ZMIZ1: variants seen among roughly 807,000 people sequenced by gnomAD.
ZMIZ1 encodes the protein zinc finger MIZ domain-containing protein 1.
ZMIZ1 carries 17 observed loss-of-function variants against 113.9 expected under a neutral mutation model. The ratio of observed to expected loss-of-function variants is 0.15; its 90% CI spans 0.10 to 0.22. The LOEUF is 0.22. ZMIZ1 is among the 10% of genes least tolerant of loss of function. ZMIZ1 has a pLI of 1.00. For missense variants in ZMIZ1, 1,059 were observed against 1,477.8 expected, an observed-to-expected ratio of 0.72 and a Z score of 4.65; for synonymous variants, 607 against 603.1, an observed-to-expected ratio of 1.01 and a Z score of -0.09.
intron 4 of ZMIZ1, among the ~76,000 whole-genome samples, chr10:79,163,243 G>A (rs1201510070): frequency 1.3e-5 from 2 of 152,174 alleles, no homozygotes; most frequent in Admixed American, 6.5e-5. Context: ...GCTTCCAGGG[G>A]CCTAGGGGCA....
chr10:79,296,499 C>T lies in ZMIZ1; in HGVS notation c.1259C>T (p.Pro420Leu). Residue 420 changes from proline to leucine, a missense_variant, in exon 13 of 25, where the codon CCA becomes CTA. This residue lies in a region of ZMIZ1 where 239 missense variants were observed against 247.5 expected (regional missense o/e 0.97). Transcript: ENST00000334512. This position sits in a 1 kb window ranked among gnomAD's most constrained non-coding sequence, Gnocchi z 4.1. ...EPNYGNQQYG[P>L]NSQFPTQPGQ... ...AACTATGGAAACCAGCAATATGGACCAAACAGCCAGTTCCCCACCCAGCCA... is the reference window on the plus strand; with the variant it reads ...AACTATGGAAACCAGCAATATGGACTAAACAGCCAGTTCCCCACCCAGCCA... The T allele has an allele frequency of 5.6e-6, 9 of 1,614,054 alleles. No homozygotes were observed. Among genetic ancestry groups the T allele is most frequent in the Non-Finnish European group, 7.6e-6 (9 of 1,179,986 alleles).
In ZMIZ1 at chr10:79,315,992, C is replaced by G. The variant is rs1855512655; in HGVS notation, c.*3243C>G. On this transcript the variant is annotated 3_prime_UTR_variant, in exon 25 of 25. Transcript: ENST00000334512. ...CCCTGAGTGGAAAGGGGTTTTTGTT[C>G]TGTTTTTATTTTACCTACATGTACT... is the stretch of plus-strand genomic sequence containing the variant. 1 of 152,734 alleles carries G rather than the reference C, an allele frequency of 6.5e-6. No homozygotes were observed. The allele number at this position is 152,734 out of a possible 1,614,324, so 9.5% of individuals were successfully genotyped here. A position where few individuals can be genotyped will look rare whatever the true frequency, so the allele number is the denominator to read the frequency against.
chr10:79,135,404 T>G (rs919122252), intron 2 of ZMIZ1, among the ~76,000 whole-genome samples: 3 of 152,264 alleles, frequency 2.0e-5, no homozygotes, highest in Admixed American at 2.0e-4. Context: ...TTTGTCCTCC[T>G]AAAGGTAGTT....
At chr10:79,117,584 C>T (rs1474561624) in intron 1 of ZMIZ1, among the ~76,000 whole-genome samples, 4 of 152,228 alleles carry the variant, frequency 2.6e-5, no homozygotes, top group East Asian at 1.9e-4. Context: ...TGCCTTGCTA[C>T]GAGCATTCTA....
intron 7 of ZMIZ1, among the ~76,000 whole-genome samples, chr10:79,225,109 G>A (rs1043608576): frequency 2.6e-5 from 4 of 152,064 alleles, no homozygotes; most frequent in East Asian, 1.9e-4. Context: ...AGCAGAAAAC[G>A]CCCAGGCAGA....
chr10:79,287,529 G>T (rs924247385), intron 8 of ZMIZ1, among the ~76,000 whole-genome samples: 9 of 152,250 alleles, frequency 5.9e-5, no homozygotes, highest in Admixed American at 1.3e-4. Flanking sequence ...GATTTAGGCT[G>T]CTGAACCTGT....
chr10:79,168,256 A>G (rs879679299), intron 4 of ZMIZ1, among the ~76,000 whole-genome samples: 2 of 152,114 alleles, frequency 1.3e-5, no homozygotes, highest in Admixed American at 6.5e-5. Context: ...TGGTGCCACT[A>G]CCCAAAGCGG....
At chr10:79,092,042 C>T (rs1413645384) in intron 1 of ZMIZ1, among the ~76,000 whole-genome samples, 1 of 152,072 alleles carries the variant, frequency 6.6e-6, no homozygotes, top group Non-Finnish European at 1.5e-5. Context: ...TGGTGCTGTT[C>T]CCACCAGCCC....
chr10:79,190,748 T>G (rs1274218375), intron 4 of ZMIZ1, among the ~76,000 whole-genome samples: 1 of 152,170 alleles, frequency 6.6e-6, no homozygotes, highest in African/African-American at 2.4e-5. Context: ...AATACTTGTT[T>G]GCAGGCTACT....
chr10:79,221,420 G>A (rs984525201), intron 7 of ZMIZ1, among the ~76,000 whole-genome samples: 1 of 152,214 alleles, frequency 6.6e-6, no homozygotes. Context: ...GCCTCAGAGC[G>A]CACGTGCGCG....
At chr10:79,193,077 G>A (rs1847676174) in intron 4 of ZMIZ1, among the ~76,000 whole-genome samples, 1 of 152,186 alleles carries the variant, frequency 6.6e-6, no homozygotes, top group Non-Finnish European at 1.5e-5. Context: ...CCGAGGTTTG[G>A]GAATGCGCGA....
intron 14 of ZMIZ1, 21 bp from the exon 15 acceptor site, chr10:79,298,385 G>A (rs374845483): frequency 1.9e-5 from 30 of 1,604,516 alleles, no homozygotes; most frequent in Middle Eastern, 1.7e-4. Flanking sequence ...TAACTCGTGC[G>A]TGTCTTTTCT....
chr10:79,229,684 CTG>C (rs1387414008), intron 7 of ZMIZ1, among the ~76,000 whole-genome samples: 3 of 152,202 alleles, frequency 2.0e-5, no homozygotes, highest in South Asian at 2.1e-4. Flanking sequence ...TGTTTAGACT[CTG>C]TGATCCGTAC....
intron 5 of ZMIZ1, among the ~76,000 whole-genome samples, chr10:79,203,894 T>C (rs1314185923): frequency 6.6e-6 from 1 of 152,204 alleles, no homozygotes; most frequent in Admixed American, 6.5e-5. Flanking sequence ...GGCACACACA[T>C]GCGTGCACAC....
intron 1 of ZMIZ1, among the ~76,000 whole-genome samples, chr10:79,103,215 C>T (rs993594013): frequency 2.0e-5 from 3 of 151,524 alleles, no homozygotes; most frequent in East Asian, 1.9e-4. Flanking sequence ...GCTTGGTGCC[C>T]GAGAACTGAG....
intron 2 of ZMIZ1, among the ~76,000 whole-genome samples, chr10:79,130,026 CA>C (rs1335437236): frequency 1.3e-5 from 2 of 152,248 alleles, no homozygotes; most frequent in Admixed American, 1.3e-4. Flanking sequence ...TCCAAGCCCC[CA>C]GAGGGCTGCG....
chr10:79,217,823 A>G (rs74961972), intron 7 of ZMIZ1, among the ~76,000 whole-genome samples: 238 of 152,310 alleles, frequency 1.6e-3, no homozygotes, highest in Middle Eastern at 0.01. Context: ...GGATATTGCT[A>G]TCGTATTGAA....
chr10:79,107,520 A>G (rs1227175332), intron 1 of ZMIZ1, among the ~76,000 whole-genome samples: 2 of 152,188 alleles, frequency 1.3e-5, no homozygotes, highest in African/African-American at 2.4e-5. Context: ...AGTCTGGTGA[A>G]TGTGAGGTGG....
Position 79,134,371 on chromosome 10 carries a change from C to T in ZMIZ1, c.-226-5311C>T, listed in dbSNP as rs114915015. ...CAGACTGCTATTCTAGACTGGACTC[C>T]AGTGCCCATCCCACTGTTGTATGCT... On this transcript the variant is annotated intron_variant, in intron 2 of 24. Transcript: ENST00000334512. Among the ~76,000 whole-genome samples, 1,188 of 152,360 alleles carry T rather than the reference C, an allele frequency of 7.8e-3. 13 individuals are homozygous for T. Among genetic ancestry groups the T allele is most frequent in the African/African-American group, 0.027 (1,125 of 41,572 alleles).
Sources: gnomAD v4.1 joint callset for allele counts (sites outside exome capture counted in the v4.1 genomes callset) on GRCh38, gnomAD v4.1.1 for gene constraint, gnomAD v4.1.1 regional missense constraint, Gnocchi (gnomAD v3.1) non-coding constraint, MANE v1.5 for transcripts, NCBI Gene and HGNC (gene_info 2026-07-23, HGNC 2026-07-21) for gene names.